UNC5D: variants seen among roughly 807,000 people sequenced by gnomAD.
The protein encoded by UNC5D is unc-5 netrin receptor D, also known as netrin receptor UNC5D.
In UNC5D, 39 loss-of-function variants were observed where a neutral mutation model predicts 105.4. The ratio of observed to expected loss-of-function variants is 0.37; its 90% CI spans 0.29 to 0.48. The LOEUF (loss-of-function observed/expected upper bound fraction) is 0.48, where lower values mean the gene tolerates loss of function less well. UNC5D is among the 20% of genes least tolerant of loss of function. UNC5D has a pLI of 0.98. For synonymous variants in UNC5D, 452 were observed against 450.4 expected (o/e 1.00, Z -0.04); for missense variants, 991 against 1,202.4 (o/e 0.82, Z 2.60).
chr8:35,638,289 G>A (rs981569477), intron 4 of UNC5D, among the ~76,000 whole-genome samples: 3 of 151,972 alleles, frequency 2.0e-5, no homozygotes, highest in Admixed American at 6.6e-5. Context: ...AAATTGGAGC[G>A]GTGTTTGGCA....
chr8:35,730,549 C>G (rs1276441127), intron 10 of UNC5D, among the ~76,000 whole-genome samples: 1 of 152,176 alleles, frequency 6.6e-6, no homozygotes, highest in Non-Finnish European at 1.5e-5. Flanking sequence ...ACTGGTAAGA[C>G]AGCTTCATCC....
At chr8:35,428,546 C>T (rs1374841090) in intron 1 of UNC5D, among the ~76,000 whole-genome samples, 1 of 151,858 alleles carries the variant, frequency 6.6e-6, no homozygotes, top group Non-Finnish European at 1.5e-5. Context: ...TTCTGCCCCA[C>T]TGAAGACACA....
intron 1 of UNC5D, among the ~76,000 whole-genome samples, chr8:35,291,064 T>A (rs901239062): frequency 6.6e-6 from 1 of 151,814 alleles, no homozygotes. Flanking sequence ...GAATTAAACC[T>A]CAGACCAATG....
chr8:35,643,702 A>C (rs1822887104), intron 4 of UNC5D, among the ~76,000 whole-genome samples: 1 of 152,108 alleles, frequency 6.6e-6, no homozygotes, highest in African/African-American at 2.4e-5. Flanking sequence ...TAAAAATCAG[A>C]TCAGTCCTTG....
chr8:35,725,050 T>C (rs1275160123), intron 9 of UNC5D, among the ~76,000 whole-genome samples: 2 of 152,350 alleles, frequency 1.3e-5, no homozygotes, highest in African/African-American at 2.4e-5. Flanking sequence ...CAACAAGAGA[T>C]GGGAAAAGTC....
At chr8:35,296,721 G>A (rs11987533) in intron 1 of UNC5D, among the ~76,000 whole-genome samples, 22,519 of 152,032 alleles carry the variant, frequency 0.15, 1,779 homozygotes, top group East Asian at 0.28. Context: ...ATGCCTGGCC[G>A]TGGTAAGTAC....
chr8:35,367,625 G>C (rs927329700), intron 1 of UNC5D, among the ~76,000 whole-genome samples: 16 of 151,090 alleles, frequency 1.1e-4, no homozygotes, highest in Admixed American at 8.5e-4. Context: ...TTCTGTAATG[G>C]TATAATATGG....
At chr8:35,517,565 T>A (rs1162699652) in intron 1 of UNC5D, among the ~76,000 whole-genome samples, 1 of 152,092 alleles carries the variant, frequency 6.6e-6, no homozygotes, top group Admixed American at 6.6e-5. Context: ...TAGTGTGGAG[T>A]CCTCGATGCC....
At chr8:35,242,681 G>A (rs554077253) in intron 1 of UNC5D, among the ~76,000 whole-genome samples, 1 of 151,968 alleles carries the variant, frequency 6.6e-6, no homozygotes, top group African/African-American at 2.4e-5. Flanking sequence ...CACCACGTTG[G>A]TCAGGCTGGT....
chr8:35,743,647 CAAT>C lies in UNC5D; in HGVS notation c.1767-4875_1767-4873del, dbSNP rs540599680. Among the ~76,000 whole-genome samples, 988 of 151,848 alleles carry C rather than the reference CAAT, an allele frequency of 6.5e-3. 7 individuals carry two copies. Among genetic ancestry groups the C allele is most frequent in the Non-Finnish European group, 0.011 (758 of 67,952 alleles). On this transcript the variant is annotated intron_variant, in intron 11 of 16. Coordinates refer to ENST00000404895, the MANE Select transcript of UNC5D (RefSeq NM_080872.4). ...AAATTTCAAACTCAAGGAAAAATTG[CAAT>C]AATATCAAGAATTCCTGTGTGTCCT...
At chr8:35,545,422 G>A (rs186232116) in intron 1 of UNC5D, among the ~76,000 whole-genome samples, 2 of 146,708 alleles carry the variant, frequency 1.4e-5, no homozygotes, top group South Asian at 2.2e-4. Context: ...GGGTTGGAGA[G>A]GGGGAGAGAG....
intron 1 of UNC5D, among the ~76,000 whole-genome samples, chr8:35,337,353 A>G (rs1049977430): frequency 1.3e-5 from 2 of 152,222 alleles, no homozygotes; most frequent in Admixed American, 6.5e-5. Context: ...GACAGAGGAA[A>G]CTTACTTGGC....
intron 1 of UNC5D, among the ~76,000 whole-genome samples, chr8:35,289,312 G>A (rs1234911010): frequency 6.6e-6 from 1 of 152,180 alleles, no homozygotes. Flanking sequence ...AGACATAAAA[G>A]TTGTAAATAT....
chr8:35,539,328 T>C, intron 1 of UNC5D, among the ~76,000 whole-genome samples: 1 of 152,290 alleles, frequency 6.6e-6, no homozygotes, highest in East Asian at 1.9e-4. Context: ...ATATAAAATA[T>C]ATCATAAAAT....
rs1585658683 is a variant in UNC5D, at chr8:35,357,455, T to C, written c.103+121568T>C. ...TTTTCACTTTGCTTTGCTTCTCTCT[T>C]GCCTCTACCACATCTTAGGTCTCAG... On this transcript the variant is annotated intron_variant, in intron 1 of 16. Transcript: ENST00000404895. Among the ~76,000 whole-genome samples, 3 of 152,310 alleles carry C rather than the reference T, an allele frequency of 2.0e-5. No homozygotes were observed. The East Asian group carries it at 5.8e-4, about 29-fold the overall frequency.
intron 1 of UNC5D, among the ~76,000 whole-genome samples, chr8:35,364,436 T>C (rs898237191): frequency 1.4e-4 from 21 of 152,158 alleles, no homozygotes; most frequent in Admixed American, 1.0e-3. Flanking sequence ...CTTTTCCTAT[T>C]TTATGATACC....
In UNC5D at chr8:35,555,485, G is replaced by A. The variant is rs1207555223; in HGVS notation, c.322+5975G>A. 2.6e-5 allele frequency among the ~76,000 whole-genome samples: 4 copies of A among 152,070 alleles called. No homozygotes were observed. The East Asian group carries it at 7.7e-4, about 29-fold the overall frequency. On this transcript the variant is annotated intron_variant, in intron 2 of 16. Transcript: ENST00000404895. ...CATCTGTCTCAAAGCCTAAATCCTT[G>A]ACCAGTCTCTTTAGTTCACACATTA...
At chr8:35,787,818 CTA>C (rs1802817873) in intron 16 of UNC5D, among the ~76,000 whole-genome samples, 1 of 152,044 alleles carries the variant, frequency 6.6e-6, no homozygotes, top group African/African-American at 2.4e-5. Flanking sequence ...AGAAGTCTTG[CTA>C]TGTTTTCCAG....
intron 4 of UNC5D, among the ~76,000 whole-genome samples, chr8:35,646,829 T>A (rs1000166028): frequency 6.6e-6 from 1 of 152,148 alleles, no homozygotes; most frequent in Non-Finnish European, 1.5e-5. Flanking sequence ...AAAGAATAAC[T>A]CTGACTTAAT....
Sources: allele counts gnomAD v4.1 joint callset (sites outside exome capture counted in the v4.1 genomes callset), GRCh38; gene constraint gnomAD v4.1.1; transcripts MANE v1.5; gene names NCBI Gene and HGNC (gene_info 2026-07-23, HGNC 2026-07-21).